SLC8A1: variants seen among roughly 807,000 people sequenced by gnomAD.
SLC8A1 encodes the protein sodium/calcium exchanger 1.
In SLC8A1, 18 loss-of-function variants were observed where a neutral mutation model predicts 68.3. That is an observed-to-expected ratio of 0.26 (90% CI 0.18 to 0.39). The LOEUF is 0.39. Ranked by LOEUF, SLC8A1 falls within the 10% of genes least tolerant of loss-of-function variation. SLC8A1 has a pLI of 1.00. For missense variants in SLC8A1, 985 were observed against 1,156.7 expected (o/e 0.85, Z 2.15); for synonymous variants, 475 against 415.5 (o/e 1.14, Z -1.74).
chr2:40,237,774 T>G (rs1044919016), intron 2 of SLC8A1, among the ~76,000 whole-genome samples: 10 of 152,248 alleles, frequency 6.6e-5, no homozygotes, highest in African/African-American at 2.4e-4. Flanking sequence ...GATGTACAGA[T>G]GGGTTTTTGG....
intron 2 of SLC8A1, among the ~76,000 whole-genome samples, chr2:40,200,173 GATATATATATATATATATTTATATATAT>G (rs1420294461): frequency 2.1e-4 from 1 of 4,754 alleles, no homozygotes; most frequent in African/African-American, 4.7e-4. Context: ...TCAAGTCATT[GATATATATATATATATATTTATATATAT>G]ATATAAATAT....
At chr2:40,109,074 T>A (rs1424300088) in exon 8 of SLC8A1, 1 of 152,236 alleles carries the variant, frequency 6.6e-6, no homozygotes, top group Non-Finnish European at 1.5e-5. Flanking sequence ...ACTAGGCGTA[T>A]CTGTCTTTGC....
At chr2:40,376,715 A>G (rs1034259613) in intron 2 of SLC8A1, among the ~76,000 whole-genome samples, 3 of 152,118 alleles carry the variant, frequency 2.0e-5, no homozygotes, top group African/African-American at 7.2e-5. Context: ...ACAAGGACCG[A>G]TGATGCTTTG....
At chr2:40,161,249 T>G (rs1022837969) in intron 5 of SLC8A1, among the ~76,000 whole-genome samples, 2 of 152,150 alleles carry the variant, frequency 1.3e-5, no homozygotes, top group Non-Finnish European at 2.9e-5. Flanking sequence ...GCACTACATA[T>G]CTGCGAATAG....
At chr2:40,272,237 C>T (rs1189962929) in intron 2 of SLC8A1, among the ~76,000 whole-genome samples, 3 of 152,140 alleles carry the variant, frequency 2.0e-5, no homozygotes, top group Non-Finnish European at 2.9e-5. Context: ...ATTCATTAAT[C>T]CATTCAACAC....
intron 6 of SLC8A1, among the ~76,000 whole-genome samples, chr2:40,152,379 G>A (rs400576): frequency 0.96 from 145,433 of 152,184 alleles, 69,806 homozygotes; most frequent in Non-Finnish European, 1. Context: ...AAGAACAGGC[G>A]TGAGACTTGT....
intron 2 of SLC8A1, among the ~76,000 whole-genome samples, chr2:40,258,856 C>G (rs748164516): frequency 1.0e-4 from 15 of 150,444 alleles, no homozygotes; most frequent in Non-Finnish European, 2.1e-4. Context: ...AAACAAAAAA[C>G]AAACAAAAAA....
intron 2 of SLC8A1, among the ~76,000 whole-genome samples, chr2:40,317,108 G>C (rs1182516466): frequency 1.3e-5 from 2 of 152,016 alleles, no homozygotes; most frequent in Non-Finnish European, 2.9e-5. Context: ...CTAGAATTAA[G>C]ATTGCATAAT....
intron 2 of SLC8A1, among the ~76,000 whole-genome samples, chr2:40,406,858 T>C (rs997214904): frequency 2.0e-5 from 3 of 152,198 alleles, no homozygotes; most frequent in Non-Finnish European, 2.9e-5. Flanking sequence ...AAACCGTATA[T>C]GATATGCATT....
chr2:40,139,250 TC>T (rs1286278994), intron 7 of SLC8A1, 150 bp downstream of exon 10: 1 of 856,646 alleles, frequency 1.2e-6, no homozygotes, highest in Non-Finnish European at 1.8e-6. Flanking sequence ...ATGACAATGT[TC>T]CGGCAGTAAC....
chr2:40,162,956 G>A (rs1184936677), intron 5 of SLC8A1, among the ~76,000 whole-genome samples: 2 of 152,080 alleles, frequency 1.3e-5, no homozygotes, highest in Non-Finnish European at 2.9e-5. Context: ...AAATACCTAT[G>A]TTCTAGTAAA....
At chr2:40,273,100 G>C (rs1274203891) in intron 2 of SLC8A1, among the ~76,000 whole-genome samples, 2 of 152,076 alleles carry the variant, frequency 1.3e-5, no homozygotes, top group Admixed American at 1.3e-4. Context: ...GCGCCACCAA[G>C]TCCGGCTAAT....
At chr2:40,287,617 T>TGTGTGTGC (rs1316566001) in intron 2 of SLC8A1, among the ~76,000 whole-genome samples, 1 of 149,176 alleles carries the variant, frequency 6.7e-6, no homozygotes, top group African/African-American at 2.5e-5. Flanking sequence ...TGTGTGTGTG[T>TGTGTGTGC]GTGCATGCAG....
In SLC8A1 at chr2:40,143,410, T is replaced by A. The variant is rs576703244; in HGVS notation, c.2162-3734A>T. ...TCACCAGCCTAGGGTTCCTGGAGGCTACATAATTCTTTCAAGTCCCTTCTC... is the reference window on the plus strand; with the variant it reads ...TCACCAGCCTAGGGTTCCTGGAGGCAACATAATTCTTTCAAGTCCCTTCTC... On this transcript the variant is annotated intron_variant, in intron 6 of 7. Coordinates refer to ENST00000406785, the Ensembl canonical transcript of SLC8A1. 2.0e-5 allele frequency among the ~76,000 whole-genome samples: 3 copies of A among 152,308 alleles called. No individual in the cohort carries two copies. The South Asian group carries it at 6.2e-4, about 32-fold the overall frequency.
At chr2:40,139,570 G>C in exon 7 of SLC8A1, 1 of 1,614,156 alleles carries the variant, frequency 6.2e-7, no homozygotes, top group Non-Finnish European at 8.5e-7. Context: ...CAGTAGGGGG[G>C]ACGAAGGCAA....
Position 40,242,159 on chromosome 2 carries a change from TGA to T in SLC8A1, c.1809-64306_1809-64305del, listed in dbSNP as rs376412588. Among the ~76,000 whole-genome samples the T allele has an allele frequency of 1.5e-4, 23 of 151,984 alleles. No individual in the cohort carries two copies. In the East Asian group the frequency reaches 4.1e-3, roughly 27 times the overall value. On this transcript the variant is annotated intron_variant, in intron 2 of 7. Coordinates refer to ENST00000406785, the Ensembl canonical transcript of SLC8A1. ...GTGTGTGTGTGTGCGTGTGTGTGTG[TGA>T]GAGAGAGACAGAGAATATGAATATG...
intron 2 of SLC8A1, among the ~76,000 whole-genome samples, chr2:40,345,775 A>G (rs1381354605): frequency 1.3e-5 from 2 of 152,124 alleles, no homozygotes; most frequent in Admixed American, 6.6e-5. Flanking sequence ...GTTCTCAGTC[A>G]TAAGTGGGAG....
chr2:40,490,880 C>G (rs1705270366), intron 1 of SLC8A1, among the ~76,000 whole-genome samples: 1 of 151,996 alleles, frequency 6.6e-6, no homozygotes, highest in Non-Finnish European at 1.5e-5. Flanking sequence ...ATGCATCGTA[C>G]TGAGATACAA....
intron 6 of SLC8A1, among the ~76,000 whole-genome samples, chr2:40,150,392 T>C (rs976574218): frequency 6.6e-6 from 1 of 152,214 alleles, no homozygotes; most frequent in African/African-American, 2.4e-5. Context: ...ATGGTTTCTC[T>C]TCCTTCCACT....
Sources: allele counts gnomAD v4.1 joint callset (sites outside exome capture counted in the v4.1 genomes callset), GRCh38; gene constraint gnomAD v4.1.1; transcripts MANE v1.5; gene names NCBI Gene and HGNC (gene_info 2026-07-23, HGNC 2026-07-21).